Variants in GPC6 observed in about 807,000 individuals in gnomAD.
GPC6 encodes the protein glypican-6.
Under a neutral mutation model 55.2 loss-of-function variants are expected in GPC6, and 14 were observed. The ratio of observed to expected loss-of-function variants is 0.25; its 90% CI spans 0.17 to 0.40. The LOEUF (loss-of-function observed/expected upper bound fraction) is 0.40, where lower values mean the gene tolerates loss of function less well. Ranked by LOEUF, GPC6 falls within the 10% of genes least tolerant of loss-of-function variation. The pLI is 1.00. For synonymous variants in GPC6, 278 were observed against 259.6 expected, an observed-to-expected ratio of 1.07 and a Z score of -0.68; for missense variants, 641 against 708.5, an observed-to-expected ratio of 0.90 and a Z score of 1.08.
In GPC6 at chr13:94,283,366, C is replaced by T. The variant is rs550366396; in HGVS notation, c.878-2983C>T. On this transcript the variant is annotated intron_variant, in intron 4 of 8. Coordinates refer to ENST00000377047, the MANE Select transcript of GPC6 (RefSeq NM_005708.5). ...AAATAGGACTTTGTGAACTACATGA[C>T]TTATACATTAACTCCCAGCCATTTA... is the stretch of plus-strand genomic sequence containing the variant. 1.4e-4 allele frequency among the ~76,000 whole-genome samples: 22 copies of T among 152,350 alleles called. No homozygotes were observed. The East Asian group carries it at 3.5e-3, about 24-fold the overall frequency.
chr13:93,685,113 C>T (rs1882000438), intron 2 of GPC6, among the ~76,000 whole-genome samples: 1 of 152,126 alleles, frequency 6.6e-6, no homozygotes, highest in Non-Finnish European at 1.5e-5. Flanking sequence ...CTACAGAGAA[C>T]TATTTTAATT....
chr13:93,232,439 G>A (rs569267507), intron 1 of GPC6, among the ~76,000 whole-genome samples: 304 of 152,184 alleles, frequency 2.0e-3, no homozygotes, highest in Non-Finnish European at 3.3e-3. Flanking sequence ...TATTAGAAGC[G>A]TCACTTGTTA....
At chr13:93,402,014 ATT>A (rs1876108830) in intron 1 of GPC6, among the ~76,000 whole-genome samples, 1 of 152,166 alleles carries the variant, frequency 6.6e-6, no homozygotes, top group Non-Finnish European at 1.5e-5. Flanking sequence ...ATCTCCCTTA[ATT>A]GGACAAGAGA....
intron 3 of GPC6, among the ~76,000 whole-genome samples, chr13:94,007,465 G>A (rs573622153): frequency 3.9e-5 from 6 of 152,150 alleles, no homozygotes; most frequent in Non-Finnish European, 8.8e-5. Flanking sequence ...GCCCATGGGT[G>A]ACACACTGTT....
At chr13:93,347,857 T>A (rs531814769) in intron 1 of GPC6, among the ~76,000 whole-genome samples, 2 of 152,286 alleles carry the variant, frequency 1.3e-5, no homozygotes, top group African/African-American at 4.8e-5. Flanking sequence ...GGCTTTCCAG[T>A]GTTTTTATGA....
intron 2 of GPC6, among the ~76,000 whole-genome samples, chr13:93,722,292 A>G (rs925870078): frequency 7.2e-5 from 11 of 151,772 alleles, no homozygotes; most frequent in Non-Finnish European, 1.5e-4. Context: ...TATTTCATTC[A>G]CCGGTATTTA....
intron 3 of GPC6, among the ~76,000 whole-genome samples, chr13:93,903,053 T>C (rs1399973070): frequency 6.6e-6 from 1 of 152,150 alleles, no homozygotes; most frequent in Non-Finnish European, 1.5e-5. Flanking sequence ...TCTCACCATA[T>C]ACAAAAATCA....
At chr13:93,735,541 G>A (rs548354680) in intron 2 of GPC6, among the ~76,000 whole-genome samples, 6 of 151,404 alleles carry the variant, frequency 4.0e-5, no homozygotes, top group African/African-American at 1.4e-4. Flanking sequence ...AAAAGAAGAA[G>A]AAGATGTCCA....
At chr13:93,592,360 A>AATAT (rs34179629) in intron 2 of GPC6, among the ~76,000 whole-genome samples, 2,630 of 144,840 alleles carry the variant, frequency 0.018, 31 homozygotes, top group Middle Eastern at 0.025. Flanking sequence ...ATATATGTAA[A>AATAT]ATATATATAT....
At chr13:94,299,563 G>C (rs1875530861) in intron 5 of GPC6, among the ~76,000 whole-genome samples, 1 of 152,238 alleles carries the variant, frequency 6.6e-6, no homozygotes, top group South Asian at 2.1e-4. Flanking sequence ...CCCTGCAGAA[G>C]AGGCCTGCAG....
At chr13:94,041,887 T>C (rs1040547914) in intron 4 of GPC6, among the ~76,000 whole-genome samples, 1 of 151,870 alleles carries the variant, frequency 6.6e-6, no homozygotes, top group Non-Finnish European at 1.5e-5. Context: ...AGTACAAAAT[T>C]TACATATACC....
intron 1 of GPC6, among the ~76,000 whole-genome samples, chr13:93,441,006 C>G (rs1471187817): frequency 1.3e-5 from 2 of 152,080 alleles, no homozygotes; most frequent in East Asian, 1.9e-4. Context: ...CATCCATGTC[C>G]CTACAAAGGA....
chr13:94,085,321 C>G (rs1284631771), intron 4 of GPC6, among the ~76,000 whole-genome samples: 1 of 87,050 alleles, frequency 1.1e-5, no homozygotes, highest in African/African-American at 4.3e-5. Flanking sequence ...GATTCTGTCT[C>G]AAAAAAAAAA....
chr13:93,524,446 C>G (rs754617623), intron 1 of GPC6, among the ~76,000 whole-genome samples: 2 of 151,938 alleles, frequency 1.3e-5, no homozygotes, highest in Admixed American at 1.3e-4. Flanking sequence ...AGCTTGCAGA[C>G]TGAATTTATT....
intron 1 of GPC6, among the ~76,000 whole-genome samples, chr13:93,529,580 A>G (rs905141289): frequency 1.6e-5 from 2 of 128,776 alleles, no homozygotes; most frequent in Non-Finnish European, 1.5e-5. Flanking sequence ...TAGTGGCACC[A>G]TCTCGGCTCA....
At chr13:93,243,797 C>A (rs1250254226) in intron 1 of GPC6, among the ~76,000 whole-genome samples, 1 of 152,138 alleles carries the variant, frequency 6.6e-6, no homozygotes, top group Non-Finnish European at 1.5e-5. Context: ...CCTTCACAAG[C>A]ACTGTGTTAC....
intron 1 of GPC6, among the ~76,000 whole-genome samples, chr13:93,544,579 G>A (rs761411887): frequency 3.3e-5 from 5 of 152,170 alleles, no homozygotes; most frequent in Admixed American, 6.6e-5. Context: ...CTTGCAAATA[G>A]CACTAAAGAA....
At chr13:94,040,603 C>A (rs1394449913) in intron 4 of GPC6, among the ~76,000 whole-genome samples, 1 of 151,836 alleles carries the variant, frequency 6.6e-6, no homozygotes, top group Non-Finnish European at 1.5e-5. Flanking sequence ...AACCACCTAT[C>A]CCTCTTTGGA....
At chr13:94,295,981 G>A (rs9524419) in intron 5 of GPC6, among the ~76,000 whole-genome samples, 2,368 of 151,516 alleles carry the variant, frequency 0.016, 31 homozygotes, top group East Asian at 0.036. Flanking sequence ...TTGAAACATC[G>A]TTTATTCTTT....
Sources: allele counts gnomAD v4.1 joint callset (sites outside exome capture counted in the v4.1 genomes callset), GRCh38; gene constraint gnomAD v4.1.1; transcripts MANE v1.5; gene names NCBI Gene and HGNC (gene_info 2026-07-23, HGNC 2026-07-21).